Variants in SPAST observed in about 807,000 individuals in gnomAD.
SPAST encodes the protein spastin.
In SPAST, 30 loss-of-function variants were observed where a neutral mutation model predicts 76.6. The observed-to-expected ratio is 0.39, with a 90% CI of 0.29 to 0.53. SPAST has a LOEUF of 0.53. Ranked by LOEUF, SPAST falls within the 20% of genes least tolerant of loss-of-function variation. The pLI is 0.68. For missense variants in SPAST, 717 were observed against 770.5 expected (o/e 0.93, Z 0.82); for synonymous variants, 305 against 281.0 (o/e 1.09, Z -0.86).
chr2:32,105,240 G>A lies in SPAST; in HGVS notation c.682+6349G>A, dbSNP rs549125901. ...CTGATACCCTTTCTTCCACTTGATC[G>A]AATCGGCTACTGAAGCTCATGCATG... On this transcript the variant is annotated intron_variant, in intron 4 of 16. Coordinates refer to ENST00000315285, the MANE Select transcript of SPAST (RefSeq NM_014946.4). 2.6e-5 allele frequency among the ~76,000 whole-genome samples: 4 copies of A among 151,984 alleles called. No individual in the cohort carries two copies. The South Asian group carries it at 6.2e-4, about 24-fold the overall frequency.
At chr2:32,085,988 A>G (rs1573066096) in intron 1 of SPAST, among the ~76,000 whole-genome samples, 1 of 151,772 alleles carries the variant, frequency 6.6e-6, no homozygotes, top group East Asian at 2.0e-4. Flanking sequence ...GTTGCAGTGA[A>G]CCAAGATCGT....
At chr2:32,068,874 G>A (rs1224683375) in intron 1 of SPAST, among the ~76,000 whole-genome samples, 2 of 149,396 alleles carry the variant, frequency 1.3e-5, no homozygotes, top group African/African-American at 4.9e-5. Flanking sequence ...CTGCCTGGGT[G>A]AGAAGAGTGA....
At chr2:32,120,026 CTT>C (rs1334920064) in intron 7 of SPAST, among the ~76,000 whole-genome samples, 12 of 143,576 alleles carry the variant, frequency 8.4e-5, no homozygotes, top group Admixed American at 1.4e-4. Flanking sequence ...TTCTTTCTTT[CTT>C]TTTTTTTTTT....
At chr2:32,085,113 G>A (rs1184717944) in intron 1 of SPAST, among the ~76,000 whole-genome samples, 1 of 151,294 alleles carries the variant, frequency 6.6e-6, no homozygotes, top group African/African-American at 2.4e-5. Context: ...CATGTAAACA[G>A]GTGTTTTCTT....
At chr2:32,065,243 C>G (rs1376295036) in intron 1 of SPAST, among the ~76,000 whole-genome samples, 3 of 152,120 alleles carry the variant, frequency 2.0e-5, no homozygotes. Flanking sequence ...TGGTCTCCAT[C>G]TCCTGACCTC....
chr2:32,070,474 A>T (rs1386609508), intron 1 of SPAST, among the ~76,000 whole-genome samples: 2 of 152,214 alleles, frequency 1.3e-5, no homozygotes, highest in African/African-American at 2.4e-5. Context: ...TAATGAGAGG[A>T]TATGTGAAGT....
chr2:32,122,059 TGTAA>T lies in SPAST; in HGVS notation c.1099-4880_1099-4877del, dbSNP rs139152714. Among the ~76,000 whole-genome samples the T allele has an allele frequency of 6.6e-4, 101 of 152,368 alleles. 1 individual carries two copies. In the East Asian group the frequency reaches 0.012, roughly 18 times the overall value. On this transcript the variant is annotated intron_variant, in intron 7 of 16. Transcript: ENST00000315285. ...AAAAAAGTTGATTAGGACTCTGTGCTGTAAGTAAGTAAATTGTTGATAGTGAGAG... is the reference window on the plus strand; with the variant it reads ...AAAAAAGTTGATTAGGACTCTGTGCTGTAAGTAAATTGTTGATAGTGAGAG...
intron 10 of SPAST, 118 bp from the exon 11 acceptor site, chr2:32,136,759 A>G (rs2148753799): frequency 1.7e-6 from 2 of 1,208,794 alleles, no homozygotes; most frequent in African/African-American, 1.5e-5. Flanking sequence ...GCAAGCTTAA[A>G]GACTATCTAA....
chr2:32,108,964 C>A (rs1293672663), intron 4 of SPAST, among the ~76,000 whole-genome samples: 1 of 151,764 alleles, frequency 6.6e-6, no homozygotes, highest in African/African-American at 2.4e-5. Flanking sequence ...CAGAGTTTCA[C>A]CATGTTGGCC....
chr2:32,113,466 T>G (rs905471121), intron 4 of SPAST, among the ~76,000 whole-genome samples: 1 of 152,052 alleles, frequency 6.6e-6, no homozygotes. Context: ...GGAATCAAAG[T>G]AGTCGAGTGC....
At chr2:32,150,734 A>G (rs1248215651) in intron 16 of SPAST, among the ~76,000 whole-genome samples, 1 of 151,988 alleles carries the variant, frequency 6.6e-6, no homozygotes, top group Non-Finnish European at 1.5e-5. Flanking sequence ...CCAGACTTGA[A>G]ATTTTTAATC....
chr2:32,143,210 G>T, intron 13 of SPAST, 126 bp from the exon 14 acceptor site: 1 of 632,084 alleles, frequency 1.6e-6, no homozygotes, highest in East Asian at 2.9e-5. Flanking sequence ...CGAGGCTATA[G>T]TGAGCTATGA....
At chr2:32,143,225 G>A in intron 13 of SPAST, 111 bp from the exon 14 acceptor site, 1 of 678,030 alleles carries the variant, frequency 1.5e-6, no homozygotes, top group Non-Finnish European at 2.7e-6. Flanking sequence ...CTATGATTGT[G>A]CCCTGCACTC....
At chr2:32,117,423 A>C (rs879311638) in intron 7 of SPAST, among the ~76,000 whole-genome samples, 14 of 152,134 alleles carry the variant, frequency 9.2e-5, no homozygotes, top group Non-Finnish European at 1.6e-4. Context: ...CTAAATACCA[A>C]CGTGACAGTG....
chr2:32,083,764 A>T (rs865906289), intron 1 of SPAST, among the ~76,000 whole-genome samples: 562 of 45,068 alleles, frequency 0.012, 15 homozygotes, highest in African/African-American at 0.029. Flanking sequence ...ATATATATAT[A>T]TATATATATA....
intron 16 of SPAST, among the ~76,000 whole-genome samples, chr2:32,150,762 AT>A (rs1680057762): frequency 6.6e-6 from 1 of 152,072 alleles, no homozygotes; most frequent in African/African-American, 2.4e-5. Context: ...TAAAAATATA[AT>A]TTTATCCACC....
chr2:32,113,688 C>A, intron 4 of SPAST, among the ~76,000 whole-genome samples: 1 of 150,722 alleles, frequency 6.6e-6, no homozygotes, highest in Non-Finnish European at 1.5e-5. Flanking sequence ...GCCTCAGCCT[C>A]CGAAGTAGCT....
intron 15 of SPAST, among the ~76,000 whole-genome samples, chr2:32,145,422 C>G (rs2148761288): frequency 6.6e-6 from 1 of 152,266 alleles, no homozygotes; most frequent in East Asian, 1.9e-4. Context: ...GCTCACAGAT[C>G]ATACAAAAAC....
At position 32,107,954 on chromosome 2, in the gene SPAST, A is replaced by G. The variant is rs1013458873; in HGVS notation, c.683-6684A>G. ...GAAATAGTCATACCAAAGTCTGCTT[A>G]TTACTACAATGTGTTATCTATTATA... On this transcript the variant is annotated intron_variant, in intron 4 of 16. Coordinates refer to ENST00000315285, the MANE Select transcript of SPAST (RefSeq NM_014946.4). Among the ~76,000 whole-genome samples, 9 of 152,148 alleles carry G rather than the reference A, an allele frequency of 5.9e-5. 1 individual carries two copies. Among genetic ancestry groups the G allele is most frequent in the African/African-American group, 2.2e-4 (9 of 41,410 alleles).
Sources: allele counts gnomAD v4.1 joint callset (sites outside exome capture counted in the v4.1 genomes callset), GRCh38; gene constraint gnomAD v4.1.1; transcripts MANE v1.5; gene names NCBI Gene and HGNC (gene_info 2026-07-23, HGNC 2026-07-21).